Variants in RPS14 observed in about 807,000 individuals in gnomAD.
The protein encoded by RPS14 is ribosomal protein S14.
In RPS14, 1 loss-of-function variant was observed where a neutral mutation model predicts 15.4. The observed-to-expected ratio is 0.07, with a 90% confidence interval of 0.02 to 0.31. The LOEUF (loss-of-function observed/expected upper bound fraction) is 0.31, where lower values mean the gene tolerates loss of function less well. Ranked by LOEUF, RPS14 falls within the 10% of genes least tolerant of loss-of-function variation. The pLI is 1.00. For missense variants in RPS14, 69 were observed against 205.5 expected (o/e 0.34, Z 4.06); for synonymous variants, 68 against 74.4 (o/e 0.91, Z 0.44).
chr5:150,446,429 A>C lies in RPS14; in HGVS notation c.311+373T>G, dbSNP rs1313606433. 6.6e-6 allele frequency among the ~76,000 whole-genome samples: 1 copy of C among 152,136 alleles called. No individual in the cohort carries two copies. Among genetic ancestry groups the C allele is most frequent in the Admixed American group, 6.5e-5 (1 of 15,278 alleles). ...GACTTATCATTTAGACCCTAGTTTAAATTACACTTTATCACCAACTCCTTA... is the reference window on the plus strand; with the variant it reads ...GACTTATCATTTAGACCCTAGTTTACATTACACTTTATCACCAACTCCTTA... On this transcript the variant is annotated intron_variant, in intron 3 of 4. Coordinates refer to ENST00000407193, the MANE Select transcript of RPS14 (RefSeq NM_005617.4). The surrounding 1 kb of genome is among the most constrained non-coding windows in gnomAD (Gnocchi z 4.2).
chr5:150,446,797 C>T lies in RPS14; in HGVS notation c.311+5G>A, dbSNP rs377608482. On this transcript the variant is annotated splice_donor_5th_base_variant and intron_variant, in intron 3 of 4. Transcript: ENST00000407193. The surrounding 1 kb of genome is among the most constrained non-coding windows in gnomAD (Gnocchi z 4.2). ...CCACCCAGCCATCCCCTCTGCGACTCGTACCTATTTCCTCCTGTGGCCCGG... is the reference window on the plus strand; with the variant it reads ...CCACCCAGCCATCCCCTCTGCGACTTGTACCTATTTCCTCCTGTGGCCCGG... 9 of 1,613,338 alleles carry T rather than the reference C, an allele frequency of 5.6e-6. No homozygotes were observed. In the Admixed American group the frequency reaches 8.3e-5, roughly 15 times the overall value.
chr5:150,445,086 T>C (rs1771053646), intron 4 of RPS14, among the ~76,000 whole-genome samples: 1 of 152,196 alleles, frequency 6.6e-6, no homozygotes, highest in Non-Finnish European at 1.5e-5. Context: ...CGTCAGTGTA[T>C]GTCGCTACTA....
In RPS14 at chr5:150,444,158, T is replaced by C; in HGVS notation, c.*128A>G. The C allele has an allele frequency of 2.1e-6, 3 of 1,416,120 alleles. 1 individual carries two copies. Among genetic ancestry groups the C allele is most frequent in the South Asian group, 1.5e-5 (1 of 68,678 alleles). The allele number at this position is 1,416,120 out of a possible 1,614,324, so 87.7% of individuals were successfully genotyped here. On this transcript the variant is annotated 3_prime_UTR_variant, in exon 5 of 5. Coordinates refer to ENST00000407193, the MANE Select transcript of RPS14 (RefSeq NM_005617.4). ...TCTCAGCTCTCCTCAGGCTCCTTTC[T>C]CCCAAGAAGCCAAATAGGAGGAAGA...
At chr5:150,447,096 A>G (rs1771122562) in intron 2 of RPS14, 133 bp from the exon 3 acceptor site, 3 of 1,020,144 alleles carry the variant, frequency 2.9e-6, no homozygotes, top group African/African-American at 3.2e-5. Flanking sequence ...CATGGAGTTC[A>G]GTCCAGTGGG....
At position 150,442,938 on chromosome 5, in the gene RPS14, T is replaced by C. The variant is rs1376842012; in HGVS notation, c.*1348A>G. On this transcript the variant is annotated 3_prime_UTR_variant, in exon 5 of 5. Transcript: ENST00000407193. ...GTCTCAAACTCCTGGGCTCAATCCG[T>C]CCTCCTGTCTCGGCTTCCCAAAGTG... is the stretch of plus-strand genomic sequence containing the variant. The C allele has an allele frequency of 6.6e-6, 1 of 152,188 alleles. No individual in the cohort carries two copies. The highest frequency in any genetic ancestry group is 2.1e-4 in the South Asian group (1 of 4,826). 9.4% of individuals were successfully genotyped at this position (152,188 alleles called of 1,614,324 possible).
chr5:150,447,255 A>T, intron 2 of RPS14: 1 of 531,978 alleles, frequency 1.9e-6, no homozygotes, highest in Non-Finnish European at 3.3e-6. Context: ...GTGATTTCAC[A>T]CAAGTCACAA....
rs1771096079 is a variant in RPS14 at position 150,446,321 on chromosome 5, C to T, written c.311+481G>A. On this transcript the variant is annotated intron_variant, in intron 3 of 4. Transcript: ENST00000407193. The surrounding 1 kb of genome is among the most constrained non-coding windows in gnomAD (Gnocchi z 4.2). ...TCTTTCCTTCACAGGTGCCCAGGTT[C>T]ACCCCCACCTCAAGACCTTTCCCTG... Among the ~76,000 whole-genome samples, 1 of 152,144 alleles carries T rather than the reference C, an allele frequency of 6.6e-6. No individual in the cohort carries two copies.
At chr5:150,447,017 G>A (rs1018190943) in intron 2 of RPS14, 54 bp from the exon 3 acceptor site, 29 of 1,592,120 alleles carry the variant, frequency 1.8e-5, no homozygotes, top group African/African-American at 1.6e-4. Flanking sequence ...GAGTGCTTAC[G>A]ATATCCTAAT....
In RPS14 at chr5:150,444,095, C is replaced by CA; in HGVS notation, c.*190dup. ...AGATGACCAAGGCAACTTAATGCCG[C>CA]AAGTAGCATGGAAAAGACCCCAAAT... is the stretch of plus-strand genomic sequence containing the variant. On this transcript the variant is annotated 3_prime_UTR_variant, in exon 5 of 5. Coordinates refer to ENST00000407193, the MANE Select transcript of RPS14 (RefSeq NM_005617.4). 2.5e-6 allele frequency: 2 copies of CA among 793,770 alleles called. No individual in the cohort carries two copies. The highest frequency in any genetic ancestry group is 5.0e-5 in the South Asian group (2 of 39,698). 49.2% of individuals were successfully genotyped at this position (793,770 alleles called of 1,614,324 possible). A position where few individuals can be genotyped will look rare whatever the true frequency, so the allele number is the denominator to read the frequency against.
chr5:150,447,012 C>G (rs367772444), intron 2 of RPS14, 49 bp from the exon 3 acceptor site: 68 of 1,595,596 alleles, frequency 4.3e-5, no homozygotes, highest in South Asian at 2.5e-4. Flanking sequence ...ACAAGGAGTG[C>G]TTACGATATC....
intron 2 of RPS14, 35 bp downstream of exon 2, chr5:150,447,550 T>C: frequency 1.2e-6 from 2 of 1,609,552 alleles, no homozygotes; most frequent in Non-Finnish European, 8.5e-7. Context: ...CCTCAGCCTT[T>C]TGCCAGCTGG....
Position 150,446,297 on chromosome 5 carries a change from C to T in RPS14, c.311+505G>A, listed in dbSNP as rs1771095303. Among the ~76,000 whole-genome samples, 1 of 152,142 alleles carries T rather than the reference C, an allele frequency of 6.6e-6. No homozygotes were observed. Among genetic ancestry groups the T allele is most frequent in the Non-Finnish European group, 1.5e-5 (1 of 68,022 alleles). ...CCCTCTGACTGCACCTCATGCCACT[C>T]TTTCCTTCACAGGTGCCCAGGTTCA... On this transcript the variant is annotated intron_variant, in intron 3 of 4. Coordinates refer to ENST00000407193, the MANE Select transcript of RPS14 (RefSeq NM_005617.4). The surrounding 1 kb of genome is among the most constrained non-coding windows in gnomAD (Gnocchi z 4.2).
rs2070840 is a variant in RPS14, at chr5:150,445,596, G to T, written c.388+13C>A. On this transcript the variant is annotated intron_variant, in intron 4 of 4. Transcript: ENST00000407193. ...AAAATAAACCCAAGCATTAGCTAGAGGGGGGCACTTACCAATCCGCCCGAT... is the reference window on the plus strand; with the variant it reads ...AAAATAAACCCAAGCATTAGCTAGATGGGGGCACTTACCAATCCGCCCGAT... 6.8e-6 allele frequency: 11 copies of T among 1,611,858 alleles called. No individual in the cohort carries two copies. In the East Asian group the frequency reaches 1.6e-4, roughly 23 times the overall value.
At chr5:150,444,776 T>G in intron 4 of RPS14, 1 of 378,368 alleles carries the variant, frequency 2.6e-6, no homozygotes, top group Non-Finnish European at 5.2e-6. Context: ...CCTAGCACTT[T>G]GGGCTTTGGG....
chr5:150,447,417 G>A (rs573061504), intron 2 of RPS14, 168 bp downstream of exon 2: 2 of 703,658 alleles, frequency 2.8e-6, no homozygotes, highest in Admixed American at 4.8e-5. Context: ...CTCCTCTCTT[G>A]TAACCCCTGG....
chr5:150,447,184 C>A (rs1198019587), intron 2 of RPS14: 3 of 570,712 alleles, frequency 5.3e-6, no homozygotes, highest in Non-Finnish European at 9.2e-6. Flanking sequence ...TACCATTACT[C>A]CACAAGGTAG....
At chr5:150,445,771 TCAGAGGTCTG>T (rs1224932689) in intron 3 of RPS14, 86 bp from the exon 4 acceptor site, 9 of 1,043,958 alleles carry the variant, frequency 8.6e-6, no homozygotes, top group Non-Finnish European at 8.6e-6. Context: ...CCCCGCTAGT[TCAGAGGTCTG>T]CAAACTTTCT....
At chr5:150,447,117 C>T (rs1351559450) in intron 2 of RPS14, 154 bp from the exon 3 acceptor site, 1 of 736,776 alleles carries the variant, frequency 1.4e-6, no homozygotes, top group Admixed American at 2.6e-5. Flanking sequence ...GTTGAATGGC[C>T]CAATATAGCT....
At position 150,443,233 on chromosome 5, in the gene RPS14, C is replaced by G. The variant is rs1172617304; in HGVS notation, c.*1053G>C. 1 of 151,570 alleles carries G rather than the reference C, an allele frequency of 6.6e-6. No individual in the cohort carries two copies. The highest frequency in any genetic ancestry group is 2.1e-4 in the South Asian group (1 of 4,808). The allele number at this position is 151,570 out of a possible 1,614,324, so 9.4% of individuals were successfully genotyped here. A position where few individuals can be genotyped will look rare whatever the true frequency, so the allele number is the denominator to read the frequency against. The stretch of plus-strand genomic sequence containing the variant: ...CGTGCAGGTTTGTTACATATGTATA[C>G]ATGTGCCATGTTGGTGTGCTGCACC... On this transcript the variant is annotated 3_prime_UTR_variant, in exon 5 of 5. Transcript: ENST00000407193.
Sources: allele counts gnomAD v4.1 joint callset (sites outside exome capture counted in the v4.1 genomes callset), GRCh38; gene constraint gnomAD v4.1.1; non-coding constraint Gnocchi (gnomAD v3.1); transcripts MANE v1.5; gene names NCBI Gene and HGNC (gene_info 2026-07-23, HGNC 2026-07-21).